ANK2: variants seen among roughly 807,000 people sequenced by gnomAD.
ANK2 encodes ankyrin-2.
A neutral mutation model predicts 360.5 loss-of-function variants in ANK2; 83 were observed. The observed-to-expected ratio is 0.23, with a 90% CI of 0.19 to 0.28. The LOEUF (loss-of-function observed/expected upper bound fraction) is 0.28. Among genes scored for constraint, ANK2 ranks in the 10% least tolerant of loss-of-function variants. The probability of loss-of-function intolerance (pLI) is 1.00; values close to 1 mark genes in which losing one functional copy is unlikely to be tolerated. For missense variants in ANK2, 4,201 were observed against 4,795.7 expected (o/e 0.88, Z 3.66); for synonymous variants, 1,740 against 1,759.5 (o/e 0.99, Z 0.28).
chr4:112,740,849 G>T, the ANK2 span, among the ~76,000 whole-genome samples: 1 of 152,078 alleles, frequency 6.6e-6, no homozygotes, highest in Non-Finnish European at 1.5e-5. Flanking sequence ...AATGAGCCGG[G>T]CGTGGTCGTG....
At chr4:113,243,577 T>C (rs1416803479) in intron 9 of ANK2, among the ~76,000 whole-genome samples, 1 of 152,222 alleles carries the variant, frequency 6.6e-6, no homozygotes, top group Admixed American at 6.5e-5. Flanking sequence ...GTGTCCAGTG[T>C]CTTTGCATCA....
intron 2 of ANK2, among the ~76,000 whole-genome samples, chr4:112,953,946 C>T (rs1310561569): frequency 4.0e-5 from 6 of 151,786 alleles, no homozygotes; most frequent in East Asian, 1.9e-4. Flanking sequence ...TGTCTCCCCC[C>T]GCCCCCGTCT....
At chr4:113,163,530 C>T (rs963637990) in intron 1 of ANK2, among the ~76,000 whole-genome samples, 9 of 151,412 alleles carry the variant, frequency 5.9e-5, no homozygotes, top group African/African-American at 9.7e-5. Flanking sequence ...TTTGGGAGGC[C>T]GAGGCGGGTG....
At position 113,084,273 on chromosome 4, in the gene ANK2, G is replaced by A. The variant is rs150032429; in HGVS notation, c.84+34461G>A. Reference sequence around the variant, plus strand: ...GGGGTAGGAAAATGAAGTCTTCCATGGAGTAGTCATTTTCCAAAAACAACG... The same window carrying A: ...GGGGTAGGAAAATGAAGTCTTCCATAGAGTAGTCATTTTCCAAAAACAACG... On this transcript the variant is annotated intron_variant, in intron 1 of 45. Coordinates refer to ENST00000357077, the MANE Select transcript of ANK2 (RefSeq NM_001148.6). Among the ~76,000 whole-genome samples, 1,051 of 152,278 alleles carry A rather than the reference G, an allele frequency of 6.9e-3. 6 individuals are homozygous for A. Among genetic ancestry groups the A allele is most frequent in the African/African-American group, 0.024 (993 of 41,550 alleles).
intron 2 of ANK2, among the ~76,000 whole-genome samples, chr4:112,965,435 T>C (rs1297657937): frequency 1.3e-5 from 2 of 152,220 alleles, no homozygotes; most frequent in Admixed American, 1.3e-4. Context: ...TTTGCAAATA[T>C]TTTCTCCCGT....
intron 2 of ANK2, among the ~76,000 whole-genome samples, chr4:112,912,278 T>C (rs1205725646): frequency 1.3e-5 from 2 of 152,094 alleles, no homozygotes; most frequent in African/African-American, 4.8e-5. Context: ...GTGACAACAA[T>C]TGGAAAAAGA....
chr4:112,999,683 A>C (rs1483444707), intron 2 of ANK2, among the ~76,000 whole-genome samples: 1 of 151,820 alleles, frequency 6.6e-6, no homozygotes. Flanking sequence ...CAACAAAAAA[A>C]CCCAAAGAGG....
At chr4:113,053,788 C>G (rs1458607974) in intron 1 of ANK2, among the ~76,000 whole-genome samples, 1 of 152,004 alleles carries the variant, frequency 6.6e-6, no homozygotes, top group Non-Finnish European at 1.5e-5. Context: ...TTTGTAGAGA[C>G]AGTCTCCCTA....
intron 1 of ANK2, among the ~76,000 whole-genome samples, chr4:113,119,608 G>A (rs1000847216): frequency 2.6e-5 from 4 of 152,100 alleles, no homozygotes; most frequent in Non-Finnish European, 4.4e-5. Flanking sequence ...ATTTGCTGAT[G>A]CCACTTTATC....
intron 15 of ANK2, among the ~76,000 whole-genome samples, chr4:113,276,881 T>C (rs2060441418): frequency 6.6e-6 from 1 of 152,152 alleles, no homozygotes; most frequent in Non-Finnish European, 1.5e-5. Context: ...CAGGCATATT[T>C]GCTATGTGTT....
the ANK2 span, chr4:112,738,795 G>A: frequency 3.2e-6 from 2 of 623,542 alleles, no homozygotes; most frequent in Non-Finnish European, 6.1e-6. Context: ...CAGAGGTATT[G>A]ACAACAGGGT....
chr4:113,117,773 T>G (rs1026481716), intron 1 of ANK2, among the ~76,000 whole-genome samples: 1 of 152,232 alleles, frequency 6.6e-6, no homozygotes, highest in African/African-American at 2.4e-5. Flanking sequence ...AGGGTTAAAG[T>G]ATTTTCTTCT....
chr4:113,233,762 A>G (rs1202708835), intron 5 of ANK2, among the ~76,000 whole-genome samples: 1 of 152,124 alleles, frequency 6.6e-6, no homozygotes, highest in Non-Finnish European at 1.5e-5. Flanking sequence ...TAATGAGACC[A>G]TGTTTCCTAC....
At chr4:113,216,760 C>T (rs932878760) in intron 4 of ANK2, among the ~76,000 whole-genome samples, 1 of 152,150 alleles carries the variant, frequency 6.6e-6, no homozygotes, top group Admixed American at 6.5e-5. Context: ...GCAGAGCATA[C>T]TTAGGTCCTT....
Position 113,354,571 on chromosome 4 carries a change from G to A in ANK2, c.5953G>A (p.Glu1985Lys). The change falls in exon 38 of 46, where the codon GAG becomes AAG. Residue 1985 changes from glutamate to lysine, a missense_variant. Around this residue, in one of 4 missense-constraint regions of ANK2, gnomAD observed 2,642 missense variants for 2,714.5 expected, o/e 0.97. Coordinates refer to ENST00000357077, the MANE Select transcript of ANK2 (RefSeq NM_001148.6). ...VSPTSKTERI[E>K]ETMSVRELMK... ...CCCCACTTCAAAAACAGAGAGGATT[G>A]AGGAAACCATGTCTGTTCGGGAGCT... 6.2e-7 allele frequency: 1 copy of A among 1,614,110 alleles called. No individual in the cohort carries two copies. The highest frequency in any genetic ancestry group is 2.2e-5 in the East Asian group (1 of 44,884).
chr4:113,234,691 G>A (rs2099357420), intron 5 of ANK2, among the ~76,000 whole-genome samples: 5 of 152,114 alleles, frequency 3.3e-5, no homozygotes, highest in Admixed American at 3.3e-4. Context: ...TAGCTAATTT[G>A]CAAAAATTAA....
At chr4:112,754,111 G>GTATATATATATATA in the ANK2 span, among the ~76,000 whole-genome samples, 46 of 111,426 alleles carry the variant, frequency 4.1e-4, no homozygotes, top group African/African-American at 1.4e-3. Flanking sequence ...AAAAAAAAAA[G>GTATATATATATATA]TATATATATA....
At chr4:112,782,283 G>T in the ANK2 span, among the ~76,000 whole-genome samples, 3 of 152,054 alleles carry the variant, frequency 2.0e-5, no homozygotes, top group Non-Finnish European at 4.4e-5. Flanking sequence ...AATTGTGAAG[G>T]CAAAATGATT....
rs954514363 is a variant in ANK2 at position 113,293,498 on chromosome 4, C to T, written c.2435C>T (p.Thr812Ile). 6.2e-7 allele frequency: 1 copy of T among 1,613,566 alleles called. No individual in the cohort carries two copies. Among genetic ancestry groups the T allele is most frequent in the African/African-American group, 1.3e-5 (1 of 74,874 alleles). ...KRLGYISVVD[T>I]LKVVTEEVTT... ...CTGGGCTACATCTCCGTGGTCGACA[C>T]CCTGAAGGTTGTGACTGAGGAGGTC... The change falls in exon 22 of 46, where the codon ACC becomes ATC. Residue 812 changes from threonine (T) to isoleucine (I), a missense_variant. Around this residue, in one of 4 missense-constraint regions of ANK2, gnomAD observed 1,268 missense variants for 1,650.8 expected, o/e 0.77. Transcript: ENST00000357077.
Sources: allele counts gnomAD v4.1 joint callset (sites outside exome capture counted in the v4.1 genomes callset), GRCh38; gene constraint gnomAD v4.1.1; regional missense constraint gnomAD v4.1.1; transcripts MANE v1.5; gene names NCBI Gene and HGNC (gene_info 2026-07-23, HGNC 2026-07-21).